The following TAB2 variants were observed in gnomAD, a reference collection of about 807,000 sequenced individuals.
TAB2 encodes the protein TGF-beta activated kinase 1 (MAP3K7) binding protein 2, also known as TGF-beta-activated kinase 1 and MAP3K7-binding protein 2.
In TAB2, 3 loss-of-function variants were observed where a neutral mutation model predicts 65.0. The observed-to-expected ratio is 0.05, with a 90% CI of 0.02 to 0.12. TAB2 has a LOEUF of 0.12. Among genes scored for constraint, TAB2 ranks in the 10% least tolerant of loss-of-function variants. The probability of loss-of-function intolerance (pLI) is 1.00; values close to 1 mark genes in which losing one functional copy is unlikely to be tolerated. For missense variants in TAB2, 623 were observed against 840.3 expected, an observed-to-expected ratio of 0.74 and a Z score of 3.20; for synonymous variants, 298 against 285.1, an observed-to-expected ratio of 1.05 and a Z score of -0.46.
At chr6:149,275,136 TTTTTTTTGA>T (rs1429962197) in intron 1 of TAB2, among the ~76,000 whole-genome samples, 10 of 125,246 alleles carry the variant, frequency 8.0e-5, no homozygotes, top group Non-Finnish European at 1.6e-4. Flanking sequence ...TTTTTTTTTT[TTTTTTTTGA>T]GTTGGAGTCT....
At chr6:149,285,429 G>A (rs897933840) in intron 1 of TAB2, among the ~76,000 whole-genome samples, 1 of 152,140 alleles carries the variant, frequency 6.6e-6, no homozygotes. Flanking sequence ...TCCAGAGGTA[G>A]GACTAAGGCC....
chr6:149,379,229 C>G lies in TAB2; in HGVS notation c.1314C>G (p.Pro438=). 6.2e-7 allele frequency: 1 copy of G among 1,614,200 alleles called. No homozygotes were observed. Among genetic ancestry groups the G allele is most frequent in the Non-Finnish European group, 8.5e-7 (1 of 1,180,036 alleles). Residue 438 remains proline, a synonymous_variant, in exon 3 of 7, where the codon CCC becomes CCG. Coordinates refer to ENST00000637181, the MANE Select transcript of TAB2 (RefSeq NM_001292034.3). ...MGPAFIHHHP[P]KSRAIGNNSA... Reference sequence around the variant, plus strand: ...CTGCCTTTATTCATCACCATCCTCCCAAAAGTCGAGCAATAGGCAATAACT... The same window carrying G: ...CTGCCTTTATTCATCACCATCCTCCGAAAAGTCGAGCAATAGGCAATAACT...
At chr6:149,236,893 G>A (rs1777505390) in intron 1 of TAB2, among the ~76,000 whole-genome samples, 1 of 152,170 alleles carries the variant, frequency 6.6e-6, no homozygotes, top group Non-Finnish European at 1.5e-5. Flanking sequence ...GCAATTTTCA[G>A]CATAATCTTT....
rs188883817 is a variant in TAB2 at position 149,355,339 on chromosome 6, T to C, written c.-89-14570T>C. 2.6e-5 allele frequency among the ~76,000 whole-genome samples: 4 copies of C among 152,306 alleles called. No homozygotes were observed. In the East Asian group the frequency reaches 7.7e-4, roughly 29 times the overall value. On this transcript the variant is annotated intron_variant, in intron 1 of 6. Transcript: ENST00000637181. ...GCTGCTTTCCAAAAGTTAAGCTGTT[T>C]GGTTCTTTTTTGGTTTTTACTGTTA...
intron 2 of TAB2, among the ~76,000 whole-genome samples, chr6:149,370,534 G>A (rs575518944): frequency 7.2e-5 from 11 of 152,186 alleles, no homozygotes; most frequent in Non-Finnish European, 1.3e-4. Flanking sequence ...TGTGCTTTAG[G>A]TTTTTTTAAT....
In TAB2 at chr6:149,373,479, T is replaced by G. The variant is rs149908625; in HGVS notation, c.102+3380T>G. 5.0e-3 allele frequency among the ~76,000 whole-genome samples: 766 copies of G among 152,248 alleles called. 8 individuals are homozygous for G. Among genetic ancestry groups the G allele is most frequent in the African/African-American group, 0.018 (741 of 41,482 alleles). Reference sequence around the variant, plus strand: ...CTACCATACTGCATTTCATTTGTGTTCACATTATTCTCCTCCACTAGACTG... The same window carrying G: ...CTACCATACTGCATTTCATTTGTGTGCACATTATTCTCCTCCACTAGACTG... On this transcript the variant is annotated intron_variant, in intron 2 of 6. Coordinates refer to ENST00000637181, the MANE Select transcript of TAB2 (RefSeq NM_001292034.3).
chr6:149,372,874 G>A (rs1464093656), intron 2 of TAB2, among the ~76,000 whole-genome samples: 1 of 152,094 alleles, frequency 6.6e-6, no homozygotes, highest in African/African-American at 2.4e-5. Flanking sequence ...TCTCTTTTGG[G>A]GCTGCTCTTC....
intron 1 of TAB2, among the ~76,000 whole-genome samples, chr6:149,349,709 T>G (rs529121300): frequency 9.8e-5 from 15 of 152,320 alleles, no homozygotes; most frequent in East Asian, 7.7e-4. Flanking sequence ...AAAACAGATA[T>G]AGCAGCACTG....
At position 149,379,381 on chromosome 6, in the gene TAB2, ATCT is replaced by A. The variant is rs1298776820; in HGVS notation, c.1471_1473del (p.Leu491del). 8 of 1,614,056 alleles carry A rather than the reference ATCT, an allele frequency of 5.0e-6. No individual in the cohort carries two copies. Among genetic ancestry groups the A allele is most frequent in the East Asian group, 4.5e-5 (2 of 44,894 alleles). On this transcript the variant is annotated inframe_deletion, in exon 3 of 7. Coordinates refer to ENST00000637181, the MANE Select transcript of TAB2 (RefSeq NM_001292034.3). ...GTGTCCCCTACCTTTGAACTTACAAATCTTCTTAATCATCCTGATCATTATGTA... is the reference window on the plus strand; with the variant it reads ...GTGTCCCCTACCTTTGAACTTACAAATCTTAATCATCCTGATCATTATGTA...
intron 1 of TAB2, among the ~76,000 whole-genome samples, chr6:149,345,690 A>G (rs1397565900): frequency 2.6e-5 from 4 of 152,324 alleles, no homozygotes; most frequent in Non-Finnish European, 5.9e-5. Flanking sequence ...ACAATCATAT[A>G]AAAATATCTG....
At chr6:149,220,389 A>G (rs1375242943) in intron 1 of TAB2, among the ~76,000 whole-genome samples, 1 of 152,086 alleles carries the variant, frequency 6.6e-6, no homozygotes, top group Non-Finnish European at 1.5e-5. Context: ...GTTACTTTAA[A>G]CTCCATTGGA....
chr6:149,264,524 T>C (rs1778221525), intron 1 of TAB2, among the ~76,000 whole-genome samples: 1 of 152,200 alleles, frequency 6.6e-6, no homozygotes, highest in African/African-American at 2.4e-5. Context: ...TGTTGCTTCA[T>C]GTATAAGACT....
At chr6:149,275,436 C>G (rs565796007) in intron 1 of TAB2, among the ~76,000 whole-genome samples, 1 of 152,214 alleles carries the variant, frequency 6.6e-6, no homozygotes. Flanking sequence ...TGAATGATAA[C>G]TCAATATCCT....
chr6:149,255,718 C>T (rs941388974), intron 1 of TAB2, among the ~76,000 whole-genome samples: 9 of 152,074 alleles, frequency 5.9e-5, no homozygotes, highest in South Asian at 2.1e-4. Context: ...TTTCAATGGG[C>T]CTTGATGTTT....
intron 1 of TAB2, among the ~76,000 whole-genome samples, chr6:149,358,604 A>G (rs567383178): frequency 8.7e-5 from 9 of 103,516 alleles, no homozygotes; most frequent in African/African-American, 1.3e-4. Context: ...CAATACATCT[A>G]GGTGCAGATT....
chr6:149,221,148 C>T (rs1386619804), intron 1 of TAB2: 1 of 152,190 alleles, frequency 6.6e-6, no homozygotes, highest in Non-Finnish European at 1.5e-5. Flanking sequence ...AACTCAACAA[C>T]CACACAGCAG....
At chr6:149,265,196 T>C (rs543130997) in intron 1 of TAB2, among the ~76,000 whole-genome samples, 1 of 151,526 alleles carries the variant, frequency 6.6e-6, no homozygotes, top group East Asian at 1.9e-4. Context: ...AGAACCCTTT[T>C]TTTTTTTTTT....
rs372671983 is a variant in TAB2 at position 149,378,252 on chromosome 6, C to G, written c.337C>G (p.Gln113Glu). Residue 113 changes from glutamine (Q) to glutamate (E), a missense_variant, in exon 3 of 7, where the codon CAA (glutamine) becomes GAA (glutamate). This residue lies in a region of TAB2 where 550 missense variants were observed against 665.7 expected (regional missense o/e 0.83). Transcript: ENST00000637181. ...GCACAGCATTAGTGATGGACAACTTCAAGGTGGCCAGTCCAATAGTGAACT... is the reference window on the plus strand; with the variant it reads ...GCACAGCATTAGTGATGGACAACTTGAAGGTGGCCAGTCCAATAGTGAACT... ...LTHSISDGQL[Q>E]GGQSNSELFQ... 68 of 1,614,208 alleles carry G rather than the reference C, an allele frequency of 4.2e-5. No individual in the cohort carries two copies. Among genetic ancestry groups the G allele is most frequent in the Non-Finnish European group, 5.6e-5 (66 of 1,180,040 alleles).
intron 1 of TAB2, among the ~76,000 whole-genome samples, chr6:149,331,459 G>A (rs560842046): frequency 6.6e-6 from 1 of 152,206 alleles, no homozygotes; most frequent in South Asian, 2.1e-4. Context: ...TTATTTTGTA[G>A]ATTCATTGGG....
Sources: gnomAD v4.1 joint callset for allele counts (sites outside exome capture counted in the v4.1 genomes callset) on GRCh38, gnomAD v4.1.1 for gene constraint, gnomAD v4.1.1 regional missense constraint, MANE v1.5 for transcripts, NCBI Gene and HGNC (gene_info 2026-07-23, HGNC 2026-07-21) for gene names.